PUS7L: variants seen among roughly 807,000 people sequenced by gnomAD.
PUS7L encodes pseudouridylate synthase PUS7L.
PUS7L carries 49 observed loss-of-function variants against 51.1 expected under a neutral mutation model. The ratio of observed to expected loss-of-function variants is 0.96; its 90% CI spans 0.76 to 1.22. The LOEUF (loss-of-function observed/expected upper bound fraction) is 1.22. PUS7L is among the 50% of genes most tolerant of loss of function. PUS7L has a pLI of 0.00. For missense variants in PUS7L, 828 were observed against 820.6 expected (o/e 1.01, Z -0.11); for synonymous variants, 277 against 276.2 (o/e 1.00, Z -0.03).
chr12:43,735,886 C>A (rs955038642), intron 7 of PUS7L, among the ~76,000 whole-genome samples: 4 of 152,140 alleles, frequency 2.6e-5, no homozygotes, highest in African/African-American at 9.7e-5. Context: ...AAGAGATTCT[C>A]CTGCCTCAGC....
chr12:43,730,437 T>C lies in PUS7L; in HGVS notation c.2045A>G (p.Asp682Gly). 1 of 1,613,722 alleles carries C rather than the reference T, an allele frequency of 6.2e-7. No individual in the cohort carries two copies. Among genetic ancestry groups the C allele is most frequent in the Non-Finnish European group, 8.5e-7 (1 of 1,179,804 alleles). Residue 682 changes from aspartate to glycine, a missense_variant, in exon 9 of 9, where the codon GAT becomes GGT. Asp to Gly is a moderately conservative substitution (Grantham distance 94, BLOSUM62 -1). Coordinates refer to ENST00000344862, the MANE Select transcript of PUS7L (RefSeq NM_031292.5). ...ETALSLLISF[D>G]LDASCYATVC... ...GGTAGCATAGCATGAAGCATCAAGA[T>C]CAAAAGAGATCAAAAGAGACAAAGC...
Position 43,754,911 on chromosome 12 carries a change from A to G in PUS7L, c.335T>C (p.Val112Ala), listed in dbSNP as rs1488358720. The G allele has an allele frequency of 1.2e-6, 2 of 1,613,842 alleles. No homozygotes were observed. The highest frequency in any genetic ancestry group is 1.7e-6 in the Non-Finnish European group (2 of 1,179,832). The change falls in exon 2 of 9, where the codon GTT (valine) becomes GCT (alanine). Residue 112 changes from valine (V) to alanine (A), a missense_variant. Physicochemically the swap from Val to Ala is moderately conservative, Grantham distance 64. Transcript: ENST00000344862. ...TTCTTCACATTTGGAAGTTCCATCA[A>G]CGATAGTATCTTCCTTTTCTGAACC... ...QSGSEKEDTI[V>A]DGTSKCEEKA...
chr12:43,750,940 T>C (rs1389664797), intron 2 of PUS7L, among the ~76,000 whole-genome samples: 84 of 152,208 alleles, frequency 5.5e-4, no homozygotes, highest in Admixed American at 5.5e-3. Context: ...TCCAGAAATC[T>C]ACATAAATCG....
chr12:43,736,320 GA>G (rs113047505), intron 7 of PUS7L, 60 bp downstream of exon 7: 145,946 of 1,429,478 alleles, frequency 0.1, 10,864 homozygotes, highest in African/African-American at 0.37. Context: ...CAGGGCTTTT[GA>G]AAAATTCATG....
At chr12:43,737,440 A>C (rs771904190) in intron 6 of PUS7L, among the ~76,000 whole-genome samples, 8 of 152,106 alleles carry the variant, frequency 5.3e-5, no homozygotes, top group African/African-American at 9.7e-5. Flanking sequence ...ATATGTACAT[A>C]ATTAAAAATA....
intron 2 of PUS7L, among the ~76,000 whole-genome samples, chr12:43,751,046 G>A (rs1009675723): frequency 6.6e-6 from 1 of 152,104 alleles, no homozygotes; most frequent in South Asian, 2.1e-4. Flanking sequence ...TCAAATCTTA[G>A]TGGCTTACAA....
At position 43,736,377 on chromosome 12, in the gene PUS7L, T is replaced by A; in HGVS notation, c.1725+4A>T. The A allele has an allele frequency of 6.2e-7, 1 of 1,612,718 alleles. No individual in the cohort carries two copies. The highest frequency in any genetic ancestry group is 8.5e-7 in the Non-Finnish European group (1 of 1,179,006). Reference sequence around the variant, plus strand: ...TTGGAAAACTCTGATGGAATGATACTTACTTTACTATTTGGGAAATTCTCG... The same window carrying A: ...TTGGAAAACTCTGATGGAATGATACATACTTTACTATTTGGGAAATTCTCG... On this transcript the variant is annotated splice_donor_region_variant and intron_variant, in intron 7 of 8. Coordinates refer to ENST00000344862, the MANE Select transcript of PUS7L (RefSeq NM_031292.5).
At position 43,754,663 on chromosome 12, in the gene PUS7L, T is replaced by C. The variant is rs1414682122; in HGVS notation, c.583A>G (p.Ile195Val). The C allele has an allele frequency of 6.2e-7, 1 of 1,613,714 alleles. No homozygotes were observed. The highest frequency in any genetic ancestry group is 8.5e-7 in the Non-Finnish European group (1 of 1,179,820). ...FLVTVGKNSE[I>V]VVKPNLEYKE... Reference sequence around the variant, plus strand: ...TATTCAAGATTTGGTTTTACAACAATTTCACTGTTTTTTCCTACAGTTACT... The same window carrying C: ...TATTCAAGATTTGGTTTTACAACAACTTCACTGTTTTTTCCTACAGTTACT... The change falls in exon 2 of 9, where the codon ATT (isoleucine) becomes GTT (valine). Residue 195 changes from isoleucine to valine, a missense_variant. Coordinates refer to ENST00000344862, the MANE Select transcript of PUS7L (RefSeq NM_031292.5).
rs1277005276 is a variant in PUS7L at position 43,725,891 on chromosome 12, A to C, written c.*4485T>G. On this transcript the variant is annotated 3_prime_UTR_variant, in exon 9 of 9. Coordinates refer to ENST00000344862, the MANE Select transcript of PUS7L (RefSeq NM_031292.5). ...CCACACAGGGTGGGAATATGGATTA[A>C]AGTGTGAGATACTGACATAATAGAT... is the stretch of plus-strand genomic sequence containing the variant. 4 of 152,196 alleles carry C rather than the reference A, an allele frequency of 2.6e-5. No individual in the cohort carries two copies. Among genetic ancestry groups the C allele is most frequent in the Non-Finnish European group, 5.9e-5 (4 of 68,024 alleles). The allele number at this position is 152,196 out of a possible 1,614,324, so 9.4% of individuals were successfully genotyped here. A position where few individuals can be genotyped will look rare whatever the true frequency, so the allele number is the denominator to read the frequency against.
Position 43,722,796 on chromosome 12 carries a change from G to T in PUS7L, c.*7580C>A, listed in dbSNP as rs1944412609. 6.6e-6 allele frequency: 1 copy of T among 152,030 alleles called. No individual in the cohort carries two copies. The highest frequency in any genetic ancestry group is 2.1e-4 in the South Asian group (1 of 4,826). 9.4% of individuals were successfully genotyped at this position (152,030 alleles called of 1,614,324 possible). On this transcript the variant is annotated 3_prime_UTR_variant, in exon 9 of 9. Transcript: ENST00000344862. Reference sequence around the variant, plus strand: ...AAACCCTATTGTACTGAAAAACTCAGAATCCTGACTTAACTAGTCTAAGGA... The same window carrying T: ...AAACCCTATTGTACTGAAAAACTCATAATCCTGACTTAACTAGTCTAAGGA...
At chr12:43,734,694 G>C (rs950152203) in intron 7 of PUS7L, among the ~76,000 whole-genome samples, 1 of 152,102 alleles carries the variant, frequency 6.6e-6, no homozygotes, top group East Asian at 1.9e-4. Context: ...ACAGGGCTAG[G>C]AGTTAGGCAG....
Position 43,730,088 on chromosome 12 carries a change from C to T in PUS7L, c.*288G>A. 3.2e-6 allele frequency: 1 copy of T among 315,234 alleles called. No individual in the cohort carries two copies. Among genetic ancestry groups the T allele is most frequent in the Non-Finnish European group, 5.9e-6 (1 of 170,318 alleles). The allele number at this position is 315,234 out of a possible 1,614,324, so 19.5% of individuals were successfully genotyped here. A position where few individuals can be genotyped will look rare whatever the true frequency, so the allele number is the denominator to read the frequency against. ...GTTATCTTGCAGTATTATATATATT[C>T]CTAATGGTTTTAAAAGATTGTAACT... On this transcript the variant is annotated 3_prime_UTR_variant, in exon 9 of 9. Coordinates refer to ENST00000344862, the MANE Select transcript of PUS7L (RefSeq NM_031292.5).
At chr12:43,758,638 C>G (rs1372822405) in intron 1 of PUS7L, 92 bp downstream of exon 1, 8 of 933,234 alleles carry the variant, frequency 8.6e-6, no homozygotes, top group African/African-American at 2.0e-5. Flanking sequence ...TATGGATCCT[C>G]AATGCCAACC....
At position 43,730,563 on chromosome 12, in the gene PUS7L, C is replaced by A; in HGVS notation, c.1919G>T (p.Cys640Phe). ...GGGATGTTTCAAAATCTGTCTATAG[C>A]AACCTGGTATATTCAGTTTCAGAGT... is the stretch of plus-strand genomic sequence containing the variant. ...VPTLKLNIPG[C>F]YRQILKHPCN... Residue 640 changes from cysteine to phenylalanine, a missense_variant, in exon 9 of 9, where the codon TGC becomes TTC. Coordinates refer to ENST00000344862, the MANE Select transcript of PUS7L (RefSeq NM_031292.5). The A allele has an allele frequency of 6.2e-7, 1 of 1,613,782 alleles. No homozygotes were observed. Among genetic ancestry groups the A allele is most frequent in the African/African-American group, 1.3e-5 (1 of 75,046 alleles).
At chr12:43,747,092 A>T (rs1206827043) in intron 3 of PUS7L, among the ~76,000 whole-genome samples, 5 of 152,166 alleles carry the variant, frequency 3.3e-5, no homozygotes, top group African/African-American at 1.2e-4. Flanking sequence ...ATACTTAAAC[A>T]TGCGTTAACT....
rs1471061255 is a variant in PUS7L at position 43,754,491 on chromosome 12, T to G, written c.755A>C (p.Lys252Thr). The change falls in exon 2 of 9, where the codon AAG (lysine) becomes ACG (threonine). Residue 252 changes from lysine to threonine, a missense_variant. Transcript: ENST00000344862. ...TTTGGTTTCCACAAGGTTTCCAAAC[T>G]TTTTGTTGACAAAATGGTGGACAGC... ...RKAVHHFVNK[K>T]FGNLVETKSF... is the part of the protein sequence containing the mutation. The G allele has an allele frequency of 8.1e-6, 13 of 1,613,812 alleles. No homozygotes were observed. In the Admixed American group the frequency reaches 2.2e-4, roughly 27 times the overall value.
chr12:43,758,726 C>G lies in PUS7L; in HGVS notation c.-17+4G>C. ...CATCGCGCAAGAAACTCGACCCCGT[C>G]TACCTCGGTTCAGTGGAAGGCATTC... On this transcript the variant is annotated splice_donor_region_variant and intron_variant, in intron 1 of 8. Transcript: ENST00000344862. 1.0e-6 allele frequency: 1 copy of G among 982,602 alleles called. No individual in the cohort carries two copies. The highest frequency in any genetic ancestry group is 1.2e-6 in the Non-Finnish European group (1 of 829,450). The allele number at this position is 982,602 out of a possible 1,614,324, so 60.9% of individuals were successfully genotyped here. A position where few individuals can be genotyped will look rare whatever the true frequency, so the allele number is the denominator to read the frequency against.
rs1163762431 is a variant in PUS7L at position 43,721,931 on chromosome 12, C to G, written c.*8445G>C. On this transcript the variant is annotated 3_prime_UTR_variant, in exon 9 of 9. Coordinates refer to ENST00000344862, the MANE Select transcript of PUS7L (RefSeq NM_031292.5). ...AAAATGTAGGTGCACAACATATAGTCTATTCAGTGTTCCCAAGGGAAAAAT... is the reference window on the plus strand; with the variant it reads ...AAAATGTAGGTGCACAACATATAGTGTATTCAGTGTTCCCAAGGGAAAAAT... 6.6e-6 allele frequency: 1 copy of G among 152,126 alleles called. No individual in the cohort carries two copies. The highest frequency in any genetic ancestry group is 2.1e-4 in the South Asian group (1 of 4,826). The allele number at this position is 152,126 out of a possible 1,614,324, so 9.4% of individuals were successfully genotyped here.
At chr12:43,749,827 A>T (rs1192810054) in intron 2 of PUS7L, among the ~76,000 whole-genome samples, 1 of 152,208 alleles carries the variant, frequency 6.6e-6, no homozygotes, top group Non-Finnish European at 1.5e-5. Context: ...CTCACTTATA[A>T]GTAGGAGCTA....
Sources: gnomAD v4.1 joint callset for allele counts (sites outside exome capture counted in the v4.1 genomes callset) on GRCh38, gnomAD v4.1.1 for gene constraint, MANE v1.5 for transcripts, NCBI Gene and HGNC (gene_info 2026-07-23, HGNC 2026-07-21) for gene names.